IQCK: variants seen among roughly 807,000 people sequenced by gnomAD.
IQCK encodes IQ domain-containing protein K.
A neutral mutation model predicts 28.1 loss-of-function variants in IQCK; 29 were observed. That is an observed-to-expected ratio of 1.03 (90% CI 0.77 to 1.41). IQCK has a LOEUF of 1.41. Among genes scored for constraint, IQCK ranks in the 40% most tolerant of loss-of-function variants. The pLI, the probability that IQCK is intolerant of heterozygous loss-of-function variation, is 0.00. For missense variants in IQCK, 359 were observed against 314.7 expected, an observed-to-expected ratio of 1.14 and a Z score of -1.07; for synonymous variants, 113 against 115.1, an observed-to-expected ratio of 0.98 and a Z score of 0.12.
chr16:19,838,698 C>T (rs1312026531), intron 9 of IQCK, among the ~76,000 whole-genome samples: 1 of 152,134 alleles, frequency 6.6e-6, no homozygotes, highest in East Asian at 1.9e-4. Flanking sequence ...TATTTCTAAT[C>T]TTCACAGCAA....
chr16:19,762,566 C>A (rs2055163365), intron 4 of IQCK, among the ~76,000 whole-genome samples: 1 of 152,138 alleles, frequency 6.6e-6, no homozygotes, highest in Non-Finnish European at 1.5e-5. Flanking sequence ...TGTTGATGTT[C>A]TTATAAATCT....
chr16:19,802,861 C>A (rs1407817803), intron 7 of IQCK, among the ~76,000 whole-genome samples: 1 of 152,134 alleles, frequency 6.6e-6, no homozygotes, highest in South Asian at 2.1e-4. Flanking sequence ...GAACAGTATT[C>A]CACTGTAGAA....
At chr16:19,735,305 T>C (rs1977976172) in intron 3 of IQCK, 48 bp from the exon 4 acceptor site, 1 of 1,275,172 alleles carries the variant, frequency 7.8e-7, no homozygotes, top group Non-Finnish European at 1.1e-6. Context: ...CCAGATTGGC[T>C]CGGGCCACTG....
chr16:19,746,718 G>T (rs1047860664), intron 4 of IQCK, among the ~76,000 whole-genome samples: 12 of 152,162 alleles, frequency 7.9e-5, no homozygotes, highest in Non-Finnish European at 1.8e-4. Flanking sequence ...AAGTCAGCAG[G>T]CTCTGACCTG....
At chr16:19,810,503 A>C (rs1033860636) in intron 7 of IQCK, among the ~76,000 whole-genome samples, 18 of 147,262 alleles carry the variant, frequency 1.2e-4, no homozygotes, top group Admixed American at 2.7e-4. Flanking sequence ...TCTCAAAAAA[A>C]AAAAAAGAAA....
intron 7 of IQCK, among the ~76,000 whole-genome samples, chr16:19,814,983 C>G (rs576162386): frequency 1.3e-5 from 2 of 152,088 alleles, no homozygotes; most frequent in African/African-American, 4.8e-5. Context: ...GCTGAAGTCT[C>G]ACTAAAATGC....
intron 4 of IQCK, among the ~76,000 whole-genome samples, chr16:19,738,679 C>A (rs944469018): frequency 6.6e-6 from 1 of 152,154 alleles, no homozygotes; most frequent in Non-Finnish European, 1.5e-5. Flanking sequence ...TTAGGCCAGT[C>A]CCTGGAACCT....
In IQCK at chr16:19,726,855, C is replaced by T. The variant is rs555513778; in HGVS notation, c.182-3575C>T. On this transcript the variant is annotated intron_variant, in intron 1 of 7. Coordinates refer to ENST00000564186, the Ensembl canonical transcript of IQCK. ...TATTAGAAAAGATAGTCATTAATGCCGGGCATGCTGGCTGAAGCCTGTAAT... is the reference window on the plus strand; with the variant it reads ...TATTAGAAAAGATAGTCATTAATGCTGGGCATGCTGGCTGAAGCCTGTAAT... Among the ~76,000 whole-genome samples the T allele has an allele frequency of 2.6e-4, 40 of 152,138 alleles. 1 individual carries two copies. The highest frequency in any genetic ancestry group is 1.5e-3 in the East Asian group (8 of 5,172).
intron 4 of IQCK, among the ~76,000 whole-genome samples, chr16:19,742,024 A>G (rs540750587): frequency 6.6e-6 from 1 of 152,266 alleles, no homozygotes; most frequent in South Asian, 2.1e-4. Context: ...GTTCACTTAT[A>G]AGAGTGGAGA....
intron 7 of IQCK, among the ~76,000 whole-genome samples, chr16:19,805,676 C>T (rs1253219970): frequency 2.0e-5 from 3 of 152,218 alleles, no homozygotes; most frequent in Non-Finnish European, 4.4e-5. Context: ...ACATTTACAT[C>T]TTATAACCAC....
intron 2 of IQCK, 46 bp from the exon 3 acceptor site, chr16:19,733,652 T>G: frequency 6.2e-6 from 10 of 1,606,080 alleles, no homozygotes; most frequent in Non-Finnish European, 8.5e-6. Context: ...ATGCAATTAT[T>G]TAAGCTGTTT....
intron 1 of IQCK, among the ~76,000 whole-genome samples, chr16:19,721,201 T>G (rs1408635485): frequency 1.3e-5 from 2 of 152,096 alleles, no homozygotes; most frequent in East Asian, 3.8e-4. Context: ...AATCCTATCT[T>G]TGAGATTAAG....
intron 4 of IQCK, among the ~76,000 whole-genome samples, chr16:19,754,983 A>T (rs1348923087): frequency 2.6e-5 from 4 of 152,190 alleles, no homozygotes; most frequent in African/African-American, 9.7e-5. Flanking sequence ...GAACTTCTTT[A>T]GAGAAGTATT....
intron 6 of IQCK, among the ~76,000 whole-genome samples, chr16:19,768,885 A>G (rs761303328): frequency 7.9e-5 from 12 of 152,136 alleles, no homozygotes; most frequent in African/African-American, 1.2e-4. Flanking sequence ...ATATTATCCT[A>G]TAGTTTCTCT....
intron 4 of IQCK, among the ~76,000 whole-genome samples, chr16:19,750,664 G>A (rs541503609): frequency 2.6e-5 from 4 of 151,830 alleles, no homozygotes; most frequent in African/African-American, 7.2e-5. Context: ...GTTTCACCAT[G>A]TTGGCCAGGC....
intron 3 of IQCK, among the ~76,000 whole-genome samples, chr16:19,734,926 C>G (rs919315626): frequency 5.9e-5 from 9 of 152,092 alleles, no homozygotes; most frequent in African/African-American, 9.7e-5. Flanking sequence ...CTGGTTTGTT[C>G]TGTGCCTTCT....
intron 7 of IQCK, among the ~76,000 whole-genome samples, chr16:19,805,054 G>A (rs1288494682): frequency 1.3e-5 from 2 of 152,080 alleles, no homozygotes; most frequent in East Asian, 3.9e-4. Context: ...AGGGGGGTGG[G>A]GGTGCATTTC....
intron 4 of IQCK, among the ~76,000 whole-genome samples, chr16:19,739,682 G>A (rs1204170866): frequency 2.0e-5 from 3 of 152,200 alleles, no homozygotes; most frequent in Admixed American, 1.3e-4. Flanking sequence ...GGGCATGGTG[G>A]CACATGCCTG....
At chr16:19,724,322 A>G (rs1057043816) in intron 1 of IQCK, among the ~76,000 whole-genome samples, 1 of 152,046 alleles carries the variant, frequency 6.6e-6, no homozygotes, top group African/African-American at 2.4e-5. Context: ...TTCACTTATC[A>G]TAACCCCTGG....
Sources: gnomAD v4.1 joint callset for allele counts (sites outside exome capture counted in the v4.1 genomes callset) on GRCh38, gnomAD v4.1.1 for gene constraint, MANE v1.5 for transcripts, NCBI Gene and HGNC (gene_info 2026-07-23, HGNC 2026-07-21) for gene names.